FAT3: variants seen among roughly 807,000 people sequenced by gnomAD.
The protein encoded by FAT3 is protocadherin Fat 3.
A neutral mutation model predicts 310.2 loss-of-function variants in FAT3; 95 were observed. The ratio of observed to expected loss-of-function variants is 0.31; its 90% CI spans 0.26 to 0.36. The LOEUF (loss-of-function observed/expected upper bound fraction) is 0.36, where lower values mean the gene tolerates loss of function less well. Among genes scored for constraint, FAT3 ranks in the 10% least tolerant of loss-of-function variants. The pLI is 1.00. For synonymous variants in FAT3, 2,314 were observed against 2,192.9 expected, an observed-to-expected ratio of 1.06 and a Z score of -1.54; for missense variants, 5,408 against 5,715.6, an observed-to-expected ratio of 0.95 and a Z score of 1.74.
intron 9 of FAT3, among the ~76,000 whole-genome samples, chr11:92,793,349 G>T (rs1270198564): frequency 6.6e-6 from 1 of 152,148 alleles, no homozygotes; most frequent in Non-Finnish European, 1.5e-5. Context: ...AGGGTGTTCT[G>T]TGAATTGAAT....
Position 92,352,759 on chromosome 11 carries a change from G to A in FAT3, c.647G>A (p.Ser216Asn). ...VHPTSGVISL[S>N]GRLNYDEKNR... ...CCCACGAGTGGTGTCATCTCCTTAA[G>A]TGGTCGATTAAATTATGATGAAAAG... The change falls in exon 2 of 28, where the codon AGT becomes AAT. Residue 216 changes from serine to asparagine, a missense_variant. By Grantham distance (46) the Ser-to-Asn change is conservative. Around this residue, in one of 5 missense-constraint regions of FAT3, gnomAD observed 4,588 missense variants for 4,809.8 expected, o/e 0.95. Transcript: ENST00000525166. The A allele has an allele frequency of 6.2e-7, 1 of 1,613,786 alleles. No homozygotes were observed. The highest frequency in any genetic ancestry group is 8.5e-7 in the Non-Finnish European group (1 of 1,179,872).
intron 12 of FAT3, 107 bp downstream of exon 12, chr11:92,806,622 A>AC: frequency 1.1e-6 from 1 of 936,914 alleles, no homozygotes; most frequent in Non-Finnish European, 1.5e-6. Flanking sequence ...ACTTACTCTT[A>AC]TAGGGATGGA....
intron 1 of FAT3, among the ~76,000 whole-genome samples, chr11:92,256,892 C>G (rs1278389689): frequency 6.6e-6 from 1 of 152,090 alleles, no homozygotes; most frequent in African/African-American, 2.4e-5. Flanking sequence ...GCTGTGTACT[C>G]TTGACCACAA....
intron 1 of FAT3, among the ~76,000 whole-genome samples, chr11:92,280,132 A>C (rs1161118526): frequency 6.6e-6 from 1 of 152,186 alleles, no homozygotes; most frequent in Non-Finnish European, 1.5e-5. Flanking sequence ...ACTAGTGCTA[A>C]AGTGTCCTTC....
At chr11:92,239,138 A>G (rs752183897) in intron 1 of FAT3, among the ~76,000 whole-genome samples, 5 of 152,098 alleles carry the variant, frequency 3.3e-5, no homozygotes, top group Non-Finnish European at 5.9e-5. Context: ...GACTTGCCCA[A>G]GGTAACATTG....
intron 1 of FAT3, among the ~76,000 whole-genome samples, chr11:92,302,330 G>A (rs1021414910): frequency 3.9e-5 from 6 of 151,906 alleles, no homozygotes; most frequent in African/African-American, 1.4e-4. Flanking sequence ...CTGTAACATG[G>A]CTACATAATG....
At chr11:92,674,328 T>C (rs1943222023) in intron 3 of FAT3, among the ~76,000 whole-genome samples, 1 of 151,436 alleles carries the variant, frequency 6.6e-6, no homozygotes, top group Non-Finnish European at 1.5e-5. Context: ...CTCCTGAGCT[T>C]TAGGACAAGG....
intron 2 of FAT3, among the ~76,000 whole-genome samples, chr11:92,473,711 T>C (rs369524154): frequency 3.3e-5 from 5 of 152,182 alleles, no homozygotes; most frequent in East Asian, 1.9e-4. Flanking sequence ...CCAATCACCA[T>C]GTACAGAAGA....
At chr11:92,414,104 T>G (rs1200997087) in intron 2 of FAT3, among the ~76,000 whole-genome samples, 4 of 152,158 alleles carry the variant, frequency 2.6e-5, no homozygotes, top group Non-Finnish European at 5.9e-5. Context: ...GCTCAGTCCT[T>G]AGGATTTTCT....
chr11:92,430,703 TC>T (rs1950746944), intron 2 of FAT3, among the ~76,000 whole-genome samples: 1 of 152,052 alleles, frequency 6.6e-6, no homozygotes, highest in South Asian at 2.1e-4. Context: ...ATGTTCCCTT[TC>T]CTGTGTCCAT....
At chr11:92,805,465 G>A (rs1947478279) in intron 11 of FAT3, 116 bp downstream of exon 11, 3 of 1,101,840 alleles carry the variant, frequency 2.7e-6, no homozygotes, top group Non-Finnish European at 3.8e-6. Context: ...GCAATTGGGT[G>A]TGGGTATAAG....
intron 2 of FAT3, among the ~76,000 whole-genome samples, chr11:92,490,615 T>A (rs1952572853): frequency 6.6e-6 from 1 of 152,140 alleles, no homozygotes; most frequent in Admixed American, 6.6e-5. Context: ...TATTTCTAAT[T>A]CAAATCATCC....
chr11:92,360,479 C>A (rs1421330985), intron 2 of FAT3, among the ~76,000 whole-genome samples: 1 of 152,158 alleles, frequency 6.6e-6, no homozygotes, highest in Admixed American at 6.5e-5. Context: ...AGAATGCATT[C>A]TTATTCTTTG....
At chr11:92,847,718 C>T (rs1349204628) in intron 19 of FAT3, among the ~76,000 whole-genome samples, 1 of 152,120 alleles carries the variant, frequency 6.6e-6, no homozygotes, top group Non-Finnish European at 1.5e-5. Flanking sequence ...AATCACACAG[C>T]AAGATAAAGA....
Position 92,709,648 on chromosome 11 carries a change from A to G in FAT3, c.3669+12203A>G, listed in dbSNP as rs186135861. On this transcript the variant is annotated intron_variant, in intron 4 of 27. Coordinates refer to ENST00000525166, the MANE Select transcript of FAT3 (RefSeq NM_001367949.2). ...AGTTTAGGGCTCCAGGTAATCCACAACCCAGGTAATCCATGCTTTGCAGGA... is the reference window on the plus strand; with the variant it reads ...AGTTTAGGGCTCCAGGTAATCCACAGCCCAGGTAATCCATGCTTTGCAGGA... 9.2e-5 allele frequency among the ~76,000 whole-genome samples: 14 copies of G among 152,292 alleles called. No homozygotes were observed. In the East Asian group the frequency reaches 2.5e-3, roughly 27 times the overall value.
At position 92,480,663 on chromosome 11, in the gene FAT3, G is replaced by C. The variant is rs560984500; in HGVS notation, c.3293-43971G>C. On this transcript the variant is annotated intron_variant, in intron 2 of 27. Transcript: ENST00000525166. ...GCATGTGGCTTTTCCTGGGAGATCA[G>C]AGAGGCTCCAGGGTTATGAAAGTGG... 2.0e-4 allele frequency among the ~76,000 whole-genome samples: 31 copies of C among 152,318 alleles called. No homozygotes were observed. In the South Asian group the frequency reaches 6.4e-3, roughly 32 times the overall value.
intron 2 of FAT3, among the ~76,000 whole-genome samples, chr11:92,429,066 A>G (rs1950704019): frequency 6.6e-6 from 1 of 152,096 alleles, no homozygotes; most frequent in African/African-American, 2.4e-5. Context: ...GTGCTCCTTT[A>G]TTGGATGCGT....
At chr11:92,234,427 G>T (rs1022175248) in intron 1 of FAT3, among the ~76,000 whole-genome samples, 2 of 152,206 alleles carry the variant, frequency 1.3e-5, no homozygotes, top group African/African-American at 4.8e-5. Flanking sequence ...AGAAAAAACA[G>T]AAATGTCCAC....
intron 2 of FAT3, among the ~76,000 whole-genome samples, chr11:92,368,845 T>TATATATAC (rs1196442457): frequency 1.4e-5 from 2 of 145,856 alleles, no homozygotes; most frequent in African/African-American, 5.3e-5. Context: ...TATATATATA[T>TATATATAC]ATACACACAT....
Sources: gnomAD v4.1 joint callset for allele counts (sites outside exome capture counted in the v4.1 genomes callset) on GRCh38, gnomAD v4.1.1 for gene constraint, gnomAD v4.1.1 regional missense constraint, MANE v1.5 for transcripts, NCBI Gene and HGNC (gene_info 2026-07-23, HGNC 2026-07-21) for gene names.